GALNTL6: variants seen among roughly 807,000 people sequenced by gnomAD.
GALNTL6 encodes the protein polypeptide N-acetylgalactosaminyltransferase-like 6.
Under a neutral mutation model 73.7 loss-of-function variants are expected in GALNTL6, and 46 were observed. The observed-to-expected ratio is 0.62, with a 90% CI of 0.49 to 0.80. GALNTL6 has a LOEUF of 0.80. GALNTL6 is among the 30% of genes least tolerant of loss of function. The pLI is 0.00. For missense variants in GALNTL6, 604 were observed against 755.0 expected, an observed-to-expected ratio of 0.80 and a Z score of 2.34; for synonymous variants, 259 against 263.7, an observed-to-expected ratio of 0.98 and a Z score of 0.17.
At chr4:172,255,281 GTTT>G (rs1185361693) in intron 3 of GALNTL6, among the ~76,000 whole-genome samples, 5 of 105,040 alleles carry the variant, frequency 4.8e-5, no homozygotes, top group Admixed American at 2.0e-4. Flanking sequence ...TGGTTTGTAG[GTTT>G]CATTGACATT....
chr4:172,152,829 C>T (rs900303761), intron 2 of GALNTL6, among the ~76,000 whole-genome samples: 1 of 152,082 alleles, frequency 6.6e-6, no homozygotes, highest in Admixed American at 6.5e-5. Context: ...AGTTTGGTCT[C>T]GAACTCTTGG....
At chr4:172,722,039 C>T (rs28490202) in intron 5 of GALNTL6, among the ~76,000 whole-genome samples, 5 of 151,108 alleles carry the variant, frequency 3.3e-5, no homozygotes, top group South Asian at 2.1e-4. Flanking sequence ...CAGTCCTGCA[C>T]GAACAGAGTT....
intron 5 of GALNTL6, among the ~76,000 whole-genome samples, chr4:172,615,104 T>C (rs1051852009): frequency 6.6e-6 from 1 of 151,766 alleles, no homozygotes; most frequent in Admixed American, 6.6e-5. Flanking sequence ...CTTCTGAGGC[T>C]AGGGTATTAG....
intron 5 of GALNTL6, among the ~76,000 whole-genome samples, chr4:172,640,838 A>AT (rs757467013): frequency 6.6e-6 from 1 of 152,122 alleles, no homozygotes; most frequent in Non-Finnish European, 1.5e-5. Context: ...GCAATAATAT[A>AT]TGACAATTCC....
intron 8 of GALNTL6, among the ~76,000 whole-genome samples, chr4:172,884,422 T>C (rs1175389074): frequency 5.3e-5 from 8 of 152,260 alleles, no homozygotes; most frequent in Non-Finnish European, 1.2e-4. Context: ...TGTCTTCTTT[T>C]GAGAAATGTC....
Position 172,800,594 on chromosome 4 carries a change from C to T in GALNTL6, c.554-8767C>T, listed in dbSNP as rs539915456. ...GGCATTTGAACTGAATTATCAAGTACTTTGCACAAATAAAGTTTGTAATCT... is the reference window on the plus strand; with the variant it reads ...GGCATTTGAACTGAATTATCAAGTATTTTGCACAAATAAAGTTTGTAATCT... On this transcript the variant is annotated intron_variant, in intron 5 of 12. Transcript: ENST00000506823. 2.0e-4 allele frequency among the ~76,000 whole-genome samples: 30 copies of T among 152,190 alleles called. 1 individual carries two copies. In the South Asian group the frequency reaches 5.2e-3, roughly 26 times the overall value.
intron 3 of GALNTL6, among the ~76,000 whole-genome samples, chr4:172,292,868 T>A (rs1473206318): frequency 6.6e-6 from 1 of 152,142 alleles, no homozygotes; most frequent in Non-Finnish European, 1.5e-5. Context: ...GTTTGCATAT[T>A]TCAGTTGTCT....
intron 5 of GALNTL6, among the ~76,000 whole-genome samples, chr4:172,648,713 A>C (rs190774260): frequency 6.6e-6 from 1 of 152,212 alleles, no homozygotes; most frequent in Middle Eastern, 3.4e-3. Flanking sequence ...CTTACACAAA[A>C]CACACAAAAT....
At chr4:172,978,263 T>C (rs567610464) in intron 10 of GALNTL6, among the ~76,000 whole-genome samples, 2 of 152,306 alleles carry the variant, frequency 1.3e-5, no homozygotes, top group South Asian at 4.2e-4. Context: ...CTGAGGCTTC[T>C]TGGGTTGACT....
At chr4:172,548,929 TTCTC>T (rs1295673066) in intron 5 of GALNTL6, among the ~76,000 whole-genome samples, 1 of 152,172 alleles carries the variant, frequency 6.6e-6, no homozygotes, top group Non-Finnish European at 1.5e-5. Context: ...TTAATGTTGT[TTCTC>T]TATTATTTCA....
chr4:172,520,023 A>C (rs528638054), intron 5 of GALNTL6, among the ~76,000 whole-genome samples: 93 of 151,994 alleles, frequency 6.1e-4, no homozygotes, highest in African/African-American at 1.9e-3. Flanking sequence ...ACTTTTCAGG[A>C]ATATTTTATT....
At chr4:172,882,318 C>T (rs1190939213) in intron 7 of GALNTL6, among the ~76,000 whole-genome samples, 3 of 152,062 alleles carry the variant, frequency 2.0e-5, no homozygotes, top group Admixed American at 6.6e-5. Context: ...TGGACATGAC[C>T]TGTTCATAGT....
In GALNTL6 at chr4:172,479,951, ACT is replaced by A. The variant is rs149972450; in HGVS notation, c.553+131264_553+131265del. Among the ~76,000 whole-genome samples the A allele has an allele frequency of 2.6e-5, 4 of 152,316 alleles. No individual in the cohort carries two copies. In the East Asian group the frequency reaches 7.7e-4, roughly 29 times the overall value. On this transcript the variant is annotated intron_variant, in intron 5 of 12. Transcript: ENST00000506823. The stretch of plus-strand genomic sequence containing the variant: ...AGAGACACATGTCATAAATAGAGGC[ACT>A]CATAGCAAAACACCCCTCATTTTTA...
At chr4:172,018,079 G>GT (rs1180535566) in intron 2 of GALNTL6, among the ~76,000 whole-genome samples, 1 of 152,088 alleles carries the variant, frequency 6.6e-6, no homozygotes, top group Admixed American at 6.6e-5. Flanking sequence ...ATTAGCTGTT[G>GT]TTTTCACCTT....
chr4:172,386,575 C>T (rs1026949365), intron 5 of GALNTL6, among the ~76,000 whole-genome samples: 1 of 152,048 alleles, frequency 6.6e-6, no homozygotes, highest in African/African-American at 2.4e-5. Context: ...TGAGAAGTTC[C>T]ATGATAAGCT....
intron 5 of GALNTL6, among the ~76,000 whole-genome samples, chr4:172,596,871 T>C (rs1484428963): frequency 6.6e-6 from 1 of 152,166 alleles, no homozygotes; most frequent in Non-Finnish European, 1.5e-5. Context: ...TATGTAGAAT[T>C]TTTTATTCAC....
At chr4:172,934,879 C>G (rs1000810655) in intron 9 of GALNTL6, among the ~76,000 whole-genome samples, 3 of 152,216 alleles carry the variant, frequency 2.0e-5, no homozygotes, top group Non-Finnish European at 4.4e-5. Context: ...AGAGATTCTT[C>G]TCTTCATTCC....
intron 5 of GALNTL6, among the ~76,000 whole-genome samples, chr4:172,424,336 G>A (rs574863934): frequency 1.3e-5 from 2 of 152,048 alleles, no homozygotes; most frequent in South Asian, 4.2e-4. Context: ...TTGACAAATG[G>A]ATTGATTGAT....
At chr4:172,954,095 G>T (rs1190447964) in intron 10 of GALNTL6, among the ~76,000 whole-genome samples, 1 of 152,148 alleles carries the variant, frequency 6.6e-6, no homozygotes, top group African/African-American at 2.4e-5. Context: ...ATCATTGTGT[G>T]ATTCACTACA....
Sources: allele counts gnomAD v4.1 joint callset (sites outside exome capture counted in the v4.1 genomes callset), GRCh38; gene constraint gnomAD v4.1.1; transcripts MANE v1.5; gene names NCBI Gene and HGNC (gene_info 2026-07-23, HGNC 2026-07-21).